SGCD: variants seen among roughly 807,000 people sequenced by gnomAD.
The protein encoded by SGCD is delta-sarcoglycan.
In SGCD, 18 loss-of-function variants were observed where a neutral mutation model predicts 36.6. That is an observed-to-expected ratio of 0.49 (90% CI 0.34 to 0.73). SGCD has a LOEUF of 0.73. SGCD is among the 30% of genes least tolerant of loss of function. SGCD has a pLI of 0.01. For missense variants in SGCD, 387 were observed against 346.7 expected (o/e 1.12, Z -0.92); for synonymous variants, 133 against 130.6 (o/e 1.02, Z -0.12).
the SGCD span, among the ~76,000 whole-genome samples, chr5:155,752,252 T>A: frequency 6.6e-6 from 1 of 152,176 alleles, no homozygotes; most frequent in Non-Finnish European, 1.5e-5. Flanking sequence ...CATGATCTGA[T>A]CAGTGCATGC....
the SGCD span, among the ~76,000 whole-genome samples, chr5:155,818,778 C>T: frequency 6.6e-6 from 1 of 152,144 alleles, no homozygotes; most frequent in African/African-American, 2.4e-5. Flanking sequence ...ACCCTGGCCT[C>T]CCAACATAAT....
At chr5:156,446,516 A>G (rs1043625537) in intron 3 of SGCD, among the ~76,000 whole-genome samples, 1 of 152,158 alleles carries the variant, frequency 6.6e-6, no homozygotes, top group African/African-American at 2.4e-5. Flanking sequence ...AATCTTAATC[A>G]AAAGCCCTTT....
intron 3 of SGCD, among the ~76,000 whole-genome samples, chr5:156,418,665 A>T (rs1238134017): frequency 6.6e-6 from 1 of 152,212 alleles, no homozygotes; most frequent in African/African-American, 2.4e-5. Flanking sequence ...TCCTATTTTT[A>T]CAAAGAAATA....
intron 3 of SGCD, among the ~76,000 whole-genome samples, chr5:156,252,778 A>G (rs1023218732): frequency 3.9e-5 from 6 of 152,190 alleles, no homozygotes; most frequent in African/African-American, 1.4e-4. Flanking sequence ...TTTAGATTAC[A>G]TAATATATAG....
At chr5:156,391,779 A>G (rs957871275) in intron 3 of SGCD, among the ~76,000 whole-genome samples, 2 of 152,200 alleles carry the variant, frequency 1.3e-5, no homozygotes, top group Admixed American at 6.5e-5. Flanking sequence ...TGTGTTTGCT[A>G]GTACTATCAT....
intron 7 of SGCD, among the ~76,000 whole-genome samples, chr5:156,676,965 A>G (rs1053138433): frequency 6.6e-6 from 1 of 152,206 alleles, no homozygotes; most frequent in African/African-American, 2.4e-5. Context: ...AGGCAAGGTG[A>G]TCAGCATTTA....
chr5:155,812,544 A>G, the SGCD span, among the ~76,000 whole-genome samples: 2 of 152,220 alleles, frequency 1.3e-5, no homozygotes, highest in African/African-American at 4.8e-5. Context: ...TTGGTCACCA[A>G]AAATAGGTAA....
At chr5:156,073,266 A>G (rs985033974) in intron 1 of SGCD, among the ~76,000 whole-genome samples, 2 of 152,082 alleles carry the variant, frequency 1.3e-5, no homozygotes, top group African/African-American at 2.4e-5. Flanking sequence ...CCTCTATTAT[A>G]TCATACTCTC....
intron 1 of SGCD, among the ~76,000 whole-genome samples, chr5:155,887,045 G>C (rs1756020710): frequency 6.6e-6 from 1 of 152,124 alleles, no homozygotes; most frequent in South Asian, 2.1e-4. Flanking sequence ...TTTATTTCAT[G>C]GAAATAGTGA....
intron 3 of SGCD, among the ~76,000 whole-genome samples, chr5:156,255,658 T>C (rs1765696360): frequency 6.6e-6 from 1 of 152,186 alleles, no homozygotes; most frequent in Non-Finnish European, 1.5e-5. Flanking sequence ...GTAATACTTT[T>C]CTTTTTTTGT....
At chr5:156,140,778 A>G (rs1184176484) in intron 3 of SGCD, among the ~76,000 whole-genome samples, 1 of 152,232 alleles carries the variant, frequency 6.6e-6, no homozygotes, top group Non-Finnish European at 1.5e-5. Context: ...AGAGAAAACC[A>G]AGGGTGTGCC....
chr5:155,879,229 A>G (rs1173185668), intron 1 of SGCD, among the ~76,000 whole-genome samples: 1 of 152,152 alleles, frequency 6.6e-6, no homozygotes, highest in African/African-American at 2.4e-5. Flanking sequence ...GTAAATTTCA[A>G]AGTTAAAACT....
intron 2 of SGCD, among the ~76,000 whole-genome samples, chr5:156,332,935 T>C (rs1268430048): frequency 6.6e-6 from 1 of 152,232 alleles, no homozygotes; most frequent in Non-Finnish European, 1.5e-5. Flanking sequence ...CTGTTTGTTT[T>C]ACTAGAAGTA....
chr5:156,471,714 G>A (rs553924745), intron 3 of SGCD, among the ~76,000 whole-genome samples: 2 of 151,970 alleles, frequency 1.3e-5, no homozygotes, highest in South Asian at 4.2e-4. Context: ...AACATAAAGA[G>A]ATTATCTTTA....
At chr5:156,678,450 A>G (rs1753597460) in intron 7 of SGCD, among the ~76,000 whole-genome samples, 1 of 152,208 alleles carries the variant, frequency 6.6e-6, no homozygotes, top group East Asian at 1.9e-4. Context: ...TGCACCAAAA[A>G]AATCATGGAA....
chr5:156,611,822 T>C (rs1761825557), intron 6 of SGCD, among the ~76,000 whole-genome samples: 1 of 152,248 alleles, frequency 6.6e-6, no homozygotes, highest in African/African-American at 2.4e-5. Context: ...AATACCTGTC[T>C]TCATGTTCAA....
chr5:155,762,636 G>T, the SGCD span, among the ~76,000 whole-genome samples: 1 of 152,122 alleles, frequency 6.6e-6, no homozygotes, highest in Non-Finnish European at 1.5e-5. Flanking sequence ...ATTCATCCAG[G>T]ATCACCCAGG....
chr5:155,805,948 C>T, the SGCD span, among the ~76,000 whole-genome samples: 3 of 152,074 alleles, frequency 2.0e-5, no homozygotes, highest in Non-Finnish European at 4.4e-5. Flanking sequence ...AGAAGCAGAC[C>T]ATATTGGGGC....
At position 156,285,871 on chromosome 5, in the gene SGCD, A is replaced by T. The variant is rs970693669; in HGVS notation, c.-43-43663A>T. Among the ~76,000 whole-genome samples the T allele has an allele frequency of 7.7e-4, 117 of 152,308 alleles. 2 individuals carry two copies. Among genetic ancestry groups the T allele is most frequent in the African/African-American group, 2.7e-3 (113 of 41,580 alleles). On this transcript the variant is annotated intron_variant, in intron 3 of 9. Coordinates refer to the SGCD transcript ENST00000517913. ...CTTCTGCACAGCAAAAGAAACTACC[A>T]TCAGAGTGAACAGGCAACCTACAAA...
Sources: gnomAD v4.1 joint callset for allele counts (sites outside exome capture counted in the v4.1 genomes callset) on GRCh38, gnomAD v4.1.1 for gene constraint, MANE v1.5 for transcripts, NCBI Gene and HGNC (gene_info 2026-07-23, HGNC 2026-07-21) for gene names.